Variants in INSL6 observed in about 807,000 individuals in gnomAD.
The protein encoded by INSL6 is insulin like 6, also known as insulin-like peptide INSL6.
Under a neutral mutation model 9.4 loss-of-function variants are expected in INSL6, and 16 were observed. The ratio of observed to expected loss-of-function variants is 1.70; its 90% confidence interval spans 1.15 to 2.59. The LOEUF (loss-of-function observed/expected upper bound fraction) is 2.59, where lower values mean the gene tolerates loss of function less well. INSL6 is among the 30% of genes most tolerant of loss of function. The pLI, the probability that INSL6 is intolerant of heterozygous loss-of-function variation, is 0.00. For synonymous variants in INSL6, 154 were observed against 96.9 expected, an observed-to-expected ratio of 1.59 and a Z score of -3.46; for missense variants, 391 against 257.3, an observed-to-expected ratio of 1.52 and a Z score of -3.56.
the INSL6 span, among the ~76,000 whole-genome samples, chr9:4,993,695 C>T: frequency 2.0e-3 from 308 of 152,304 alleles, 1 homozygote; most frequent in Non-Finnish European, 3.4e-3. Flanking sequence ...GAAGTTTCCT[C>T]AAGACCCTTT....
the INSL6 span, among the ~76,000 whole-genome samples, chr9:5,070,566 A>G: frequency 6.6e-6 from 1 of 151,976 alleles, no homozygotes; most frequent in African/African-American, 2.4e-5. Flanking sequence ...TTTTTAAATA[A>G]CTAATTATTT....
intron 3 of INSL6, among the ~76,000 whole-genome samples, chr9:5,130,163 G>C (rs1047161404): frequency 1.3e-5 from 2 of 152,026 alleles, no homozygotes; most frequent in African/African-American, 2.4e-5. Context: ...ATTTTATTTT[G>C]AATATAACAG....
At chr9:5,125,847 AAGAG>A (rs1823954043) in intron 3 of INSL6, 1 of 143,054 alleles carries the variant, frequency 7.0e-6, no homozygotes, top group Non-Finnish European at 1.5e-5. Context: ...CCCAATTTAT[AAGAG>A]CTGTCTATAT....
At chr9:5,020,174 C>A in the INSL6 span, among the ~76,000 whole-genome samples, 9 of 152,048 alleles carry the variant, frequency 5.9e-5, no homozygotes, top group African/African-American at 2.2e-4. Flanking sequence ...TCGGCAGTGA[C>A]GGCGATTGGC....
the INSL6 span, among the ~76,000 whole-genome samples, chr9:5,021,008 A>T: frequency 2.0e-5 from 3 of 152,036 alleles, no homozygotes; most frequent in South Asian, 6.2e-4. Flanking sequence ...GCAGCTCCCT[A>T]TGTTACTCCC....
chr9:5,020,933 A>G, the INSL6 span, among the ~76,000 whole-genome samples: 1 of 151,792 alleles, frequency 6.6e-6, no homozygotes, highest in African/African-American at 2.4e-5. Flanking sequence ...GCTGCTTAGG[A>G]CTCAGGGGTG....
chr9:5,119,881 A>G (rs920907433), downstream of INSL6, among the ~76,000 whole-genome samples: 1 of 152,220 alleles, frequency 6.6e-6, no homozygotes. Context: ...TAGAAAATAA[A>G]TATTTTATAC....
intron 2 of INSL6, among the ~76,000 whole-genome samples, chr9:5,141,203 T>A (rs1356097951): frequency 1.3e-5 from 2 of 152,202 alleles, no homozygotes; most frequent in East Asian, 3.8e-4. Context: ...TGATTTATAT[T>A]TCTTTGTGTA....
chr9:5,046,780 G>A, the INSL6 span, among the ~76,000 whole-genome samples: 1 of 128,232 alleles, frequency 7.8e-6, no homozygotes, highest in Non-Finnish European at 1.5e-5. Context: ...AGGCTTCTAA[G>A]AATAGCCTTT....
At chr9:5,054,458 C>G in the INSL6 span, 5 of 881,182 alleles carry the variant, frequency 5.7e-6, no homozygotes, top group Non-Finnish European at 8.8e-6. The surrounding 1 kb of genome is among the most constrained non-coding windows in gnomAD (Gnocchi z 4.9). Flanking sequence ...TGTTGTAAGG[C>G]CTACTTAATC....
chr9:5,181,857 G>T (rs966408502), intron 1 of INSL6, among the ~76,000 whole-genome samples: 8 of 152,154 alleles, frequency 5.3e-5, no homozygotes, highest in African/African-American at 1.9e-4. Flanking sequence ...CAGACCCAGA[G>T]CAAGTTAAAA....
At chr9:5,108,677 C>G in the INSL6 span, 1 of 151,968 alleles carries the variant, frequency 6.6e-6, no homozygotes, top group Non-Finnish European at 1.5e-5. Flanking sequence ...TCCTCAGCCC[C>G]CTAACAGAAT....
At chr9:5,062,429 A>G in the INSL6 span, among the ~76,000 whole-genome samples, 10 of 144,786 alleles carry the variant, frequency 6.9e-5, no homozygotes, top group Non-Finnish European at 1.2e-4. Context: ...AAGTAAGCAT[A>G]TGCTATTGGA....
chr9:5,127,584 T>G (rs1824080217), intron 3 of INSL6: 1 of 231,526 alleles, frequency 4.3e-6, no homozygotes, highest in African/African-American at 2.2e-5. Flanking sequence ...TATCTCCAAA[T>G]TTTTCTAAGA....
chr9:5,003,796 A>G, the INSL6 span, among the ~76,000 whole-genome samples: 1 of 152,078 alleles, frequency 6.6e-6, no homozygotes, highest in African/African-American at 2.4e-5. Context: ...CTCTAGAAGA[A>G]CAAGATCAAT....
At chr9:5,128,080 T>TTGTGTGTGTGTGTGTGTGTGTGTG (rs139964957) in intron 3 of INSL6, 4 of 215,658 alleles carry the variant, frequency 1.9e-5, no homozygotes, top group African/African-American at 9.4e-5. Context: ...ATGGTGGGTT[T>TTGTGTGTGTGTGTGTGTGTGTGTG]TGTGTGTGTG....
the INSL6 span, among the ~76,000 whole-genome samples, chr9:5,027,928 A>G: frequency 6.6e-6 from 1 of 152,216 alleles, no homozygotes; most frequent in Non-Finnish European, 1.5e-5. Context: ...CCTTCACTGA[A>G]GATTAAATCC....
downstream of INSL6, among the ~76,000 whole-genome samples, chr9:5,163,601 G>T (rs1824974107): frequency 6.6e-6 from 1 of 151,294 alleles, no homozygotes; most frequent in Admixed American, 6.6e-5. Flanking sequence ...AAAGCAGAAG[G>T]TTCCATAATC....
the INSL6 span, chr9:5,050,760 G>A: frequency 6.2e-7 from 1 of 1,613,108 alleles, no homozygotes; most frequent in Non-Finnish European, 8.5e-7. Context: ...GTCTTGGGAT[G>A]GCAGTGTTAG....
Sources: allele counts gnomAD v4.1 joint callset (sites outside exome capture counted in the v4.1 genomes callset), GRCh38; gene constraint gnomAD v4.1.1; non-coding constraint Gnocchi (gnomAD v3.1); transcripts MANE v1.5; gene names NCBI Gene and HGNC (gene_info 2026-07-23, HGNC 2026-07-21).